Variants in RNF169 observed in about 807,000 individuals in gnomAD.
RNF169 encodes the protein E3 ubiquitin-protein ligase RNF169.
Under a neutral mutation model 53.9 loss-of-function variants are expected in RNF169, and 24 were observed. The observed-to-expected ratio is 0.45, with a 90% CI of 0.32 to 0.63. The LOEUF is 0.63. RNF169 is among the 20% of genes least tolerant of loss of function. The pLI, the probability that RNF169 is intolerant of heterozygous loss-of-function variation, is 0.04. For synonymous variants in RNF169, 396 were observed against 363.5 expected (o/e 1.09, Z -1.02); for missense variants, 883 against 906.2 (o/e 0.97, Z 0.33).
At position 74,770,552 on chromosome 11, in the gene RNF169, A is replaced by G. The variant is rs536843116; in HGVS notation, c.503-19074A>G. 8.5e-4 allele frequency among the ~76,000 whole-genome samples: 129 copies of G among 152,216 alleles called. 1 individual carries two copies. The highest frequency in any genetic ancestry group is 3.0e-3 in the African/African-American group (125 of 41,534). On this transcript the variant is annotated intron_variant, in intron 1 of 5. Transcript: ENST00000299563. The stretch of plus-strand genomic sequence containing the variant: ...TAAACATATCTACCAGTAGCTCGCT[A>G]TTTTTTTCAAAATAATGGCTCGCAG...
chr11:74,793,859 C>T (rs1467802196), intron 2 of RNF169, among the ~76,000 whole-genome samples: 1 of 152,150 alleles, frequency 6.6e-6, no homozygotes, highest in Non-Finnish European at 1.5e-5. Flanking sequence ...TTTTACCTTT[C>T]TTCCCACTGT....
At chr11:74,754,777 G>A (rs780633957) in intron 1 of RNF169, among the ~76,000 whole-genome samples, 5 of 152,136 alleles carry the variant, frequency 3.3e-5, no homozygotes, top group Non-Finnish European at 5.9e-5. Context: ...CCGAGATTGC[G>A]CCACTGCACT....
intron 4 of RNF169, among the ~76,000 whole-genome samples, chr11:74,818,015 GCA>G (rs1348976593): frequency 1.3e-5 from 2 of 152,224 alleles, no homozygotes; most frequent in African/African-American, 2.4e-5. Context: ...CTGACAATAT[GCA>G]CAGACTCTCC....
intron 1 of RNF169, among the ~76,000 whole-genome samples, chr11:74,759,027 C>T (rs1160933107): frequency 2.7e-5 from 4 of 150,612 alleles, no homozygotes. Context: ...TCCTTCACAT[C>T]CCTTGTAAGT....
In RNF169 at chr11:74,817,663, G is replaced by T. The variant is rs372935960; in HGVS notation, c.791G>T (p.Arg264Leu). The T allele has an allele frequency of 1.9e-6, 3 of 1,613,964 alleles. No individual in the cohort carries two copies. In the African/African-American group the frequency reaches 4.0e-5, roughly 22 times the overall value. The change falls in exon 4 of 6, where the codon CGC (arginine) becomes CTC (leucine). Residue 264 changes from arginine to leucine, a missense_variant. Arg to Leu is a moderately radical substitution (Grantham distance 102). Coordinates refer to ENST00000299563, the MANE Select transcript of RNF169 (RefSeq NM_001098638.2). ...PSRGQMTQTHRSAFVSKNNSY... is the reference protein window; with the variant it reads ...PSRGQMTQTHLSAFVSKNNSY... ...CGAGGCCAGATGACACAGACACATC[G>T]CTCGGCATTTGTTTCCAAGAACAAC...
chr11:74,794,712 T>C (rs1485889392), intron 2 of RNF169, among the ~76,000 whole-genome samples: 1 of 152,088 alleles, frequency 6.6e-6, no homozygotes, highest in Non-Finnish European at 1.5e-5. Flanking sequence ...AAATTAAAAT[T>C]TAAGTGCCAA....
Position 74,778,934 on chromosome 11 carries a change from A to G in RNF169, c.503-10692A>G, listed in dbSNP as rs375584974. Among the ~76,000 whole-genome samples the G allele has an allele frequency of 1.1e-4, 17 of 152,348 alleles. No homozygotes were observed. In the South Asian group the frequency reaches 1.7e-3, roughly 15 times the overall value. On this transcript the variant is annotated intron_variant, in intron 1 of 5. Coordinates refer to ENST00000299563, the MANE Select transcript of RNF169 (RefSeq NM_001098638.2). The stretch of plus-strand genomic sequence containing the variant: ...ATCAGGTGCATTTACCATACAGGTG[A>G]CTTGCATCTTTCACTAACTTAAGCA...
At chr11:74,755,759 G>A (rs1056825605) in intron 1 of RNF169, among the ~76,000 whole-genome samples, 1 of 152,202 alleles carries the variant, frequency 6.6e-6, no homozygotes, top group Non-Finnish European at 1.5e-5. Context: ...GAGCCTGCAT[G>A]TAGAAAGGCT....
At position 74,837,054 on chromosome 11, in the gene RNF169, G is replaced by T; in HGVS notation, c.*324G>T. 5.0e-6 allele frequency: 1 copy of T among 200,206 alleles called. No homozygotes were observed. The allele number at this position is 200,206 out of a possible 1,614,324, so 12.4% of individuals were successfully genotyped here. On this transcript the variant is annotated 3_prime_UTR_variant, in exon 6 of 6. Coordinates refer to ENST00000299563, the MANE Select transcript of RNF169 (RefSeq NM_001098638.2). ...TAAAGAGGGGATACCTTCTTAAACT[G>T]ATAGACTTCCTGACTTCTTTCAGCA...
chr11:74,755,176 G>A (rs903990557), intron 1 of RNF169, among the ~76,000 whole-genome samples: 4 of 152,168 alleles, frequency 2.6e-5, no homozygotes, highest in African/African-American at 7.2e-5. Flanking sequence ...GTGTCCTTAT[G>A]TGTTATACCA....
At chr11:74,767,718 C>T (rs758947743) in intron 1 of RNF169, among the ~76,000 whole-genome samples, 12 of 152,052 alleles carry the variant, frequency 7.9e-5, no homozygotes, top group Admixed American at 2.0e-4. Flanking sequence ...TACAGGTGCC[C>T]GCCACCATAC....
At chr11:74,779,962 A>G (rs371680854) in intron 1 of RNF169, among the ~76,000 whole-genome samples, 8 of 152,100 alleles carry the variant, frequency 5.3e-5, no homozygotes, top group Middle Eastern at 3.2e-3. Flanking sequence ...GGCATGTGCT[A>G]TTGTGCCCGG....
In RNF169 at chr11:74,750,865, GTTTTTT is replaced by G. The variant is rs35173529; in HGVS notation, c.502+1504_502+1509del. On this transcript the variant is annotated intron_variant, in intron 1 of 5. Transcript: ENST00000299563. ...GATCCGCCCGCCTTGGCCTCCCAAGGTTTTTTTTTTTTTTTTTTTTTTTTTTGAGAC... is the reference window on the plus strand; with the variant it reads ...GATCCGCCCGCCTTGGCCTCCCAAGGTTTTTTTTTTTTTTTTTTTTGAGAC... Among the ~76,000 whole-genome samples the G allele has an allele frequency of 4.9e-3, 295 of 60,120 alleles. 1 individual carries two copies. Among genetic ancestry groups the G allele is most frequent in the African/African-American group, 0.019 (273 of 14,466 alleles). 39.4% of individuals were successfully genotyped at this position (60,120 alleles called of 152,430 possible).
intron 1 of RNF169, among the ~76,000 whole-genome samples, chr11:74,760,066 C>T (rs1400940572): frequency 4.0e-5 from 6 of 151,504 alleles, no homozygotes; most frequent in African/African-American, 1.2e-4. Flanking sequence ...GGAATGTATC[C>T]ATTTCTTCTA....
At chr11:74,783,086 T>A (rs1003794961) in intron 1 of RNF169, among the ~76,000 whole-genome samples, 4 of 152,156 alleles carry the variant, frequency 2.6e-5, no homozygotes, top group African/African-American at 9.7e-5. Context: ...AAGGGATGCT[T>A]TCCTTTGGAT....
rs540997554 is a variant in RNF169, at chr11:74,806,040, C to T, written c.577-4144C>T. On this transcript the variant is annotated intron_variant, in intron 2 of 5. Transcript: ENST00000299563. ...AAGTATACATGTATATATATACACA[C>T]ACACGTACATACATATAAGATATAT... 3.9e-5 allele frequency among the ~76,000 whole-genome samples: 6 copies of T among 152,130 alleles called. No homozygotes were observed. In the East Asian group the frequency reaches 1.2e-3, roughly 29 times the overall value.
chr11:74,750,730 C>T (rs7103175), intron 1 of RNF169, among the ~76,000 whole-genome samples: 3,174 of 150,528 alleles, frequency 0.021, 109 homozygotes, highest in African/African-American at 0.073. Context: ...CGCAGCCTCC[C>T]GAGTAGCTGG....
At chr11:74,772,100 A>G (rs2035268717) in intron 1 of RNF169, among the ~76,000 whole-genome samples, 1 of 152,168 alleles carries the variant, frequency 6.6e-6, no homozygotes, top group South Asian at 2.1e-4. Context: ...AAATATAGAA[A>G]GTTTTAACTT....
chr11:74,825,372 A>G (rs1357684445), intron 4 of RNF169, among the ~76,000 whole-genome samples: 1 of 152,232 alleles, frequency 6.6e-6, no homozygotes, highest in East Asian at 1.9e-4. Context: ...AAGAAGTCAC[A>G]AGAGAAATTA....
Sources: gnomAD v4.1 joint callset for allele counts (sites outside exome capture counted in the v4.1 genomes callset) on GRCh38, gnomAD v4.1.1 for gene constraint, MANE v1.5 for transcripts, NCBI Gene and HGNC (gene_info 2026-07-23, HGNC 2026-07-21) for gene names.